AFMID: variants seen among roughly 807,000 people sequenced by gnomAD.
The protein encoded by AFMID is arylformamidase, also known as kynurenine formamidase.
A neutral mutation model predicts 47.5 loss-of-function variants in AFMID; 39 were observed. That is an observed-to-expected ratio of 0.82 (90% CI 0.64 to 1.07). The LOEUF is 1.07. Among genes scored for constraint, AFMID ranks in the 50% least tolerant of loss-of-function variants. The pLI, the probability that AFMID is intolerant of heterozygous loss-of-function variation, is 0.00. For synonymous variants in AFMID, 130 were observed against 153.2 expected (o/e 0.85, Z 1.12); for missense variants, 375 against 387.5 (o/e 0.97, Z 0.27).
At chr17:78,204,616 C>T (rs1173793927) in intron 4 of AFMID, 40 bp from the exon 5 acceptor site, 2 of 1,608,602 alleles carry the variant, frequency 1.2e-6, no homozygotes, top group Admixed American at 1.7e-5. Flanking sequence ...AGCGTAGTGG[C>T]CAAGCTGCCT....
chr17:78,194,110 G>GT (rs200914851), intron 2 of AFMID, among the ~76,000 whole-genome samples: 255 of 145,330 alleles, frequency 1.8e-3, no homozygotes, highest in Non-Finnish European at 1.5e-3. Flanking sequence ...TATGTATTGG[G>GT]TTTTTTTTTT....
intron 2 of AFMID, among the ~76,000 whole-genome samples, chr17:78,193,609 G>A (rs1051690527): frequency 6.6e-6 from 1 of 151,660 alleles, no homozygotes; most frequent in African/African-American, 2.4e-5. Context: ...TACTGTGGGA[G>A]GTCAAAGCAC....
chr17:78,199,579 T>C (rs2076196831), intron 2 of AFMID, among the ~76,000 whole-genome samples: 1 of 152,004 alleles, frequency 6.6e-6, no homozygotes. Context: ...TTCACCATAT[T>C]GGCCAGGGTG....
In AFMID at chr17:78,205,741, A is replaced by C; in HGVS notation, c.780+3A>C. 4 of 1,608,118 alleles carry C rather than the reference A, an allele frequency of 2.5e-6. No individual in the cohort carries two copies. Among genetic ancestry groups the C allele is most frequent in the Non-Finnish European group, 3.4e-6 (4 of 1,179,936 alleles). On this transcript the variant is annotated splice_donor_region_variant and intron_variant, in intron 9 of 10. Coordinates refer to ENST00000409257, the MANE Select transcript of AFMID (RefSeq NM_001010982.5). ...GACAGTCCTGGGAGTTTTACCAGGT[A>C]CTCCCAGTGCAGGTTTGTGGCCAGA...
intron 1 of AFMID, among the ~76,000 whole-genome samples, chr17:78,188,626 TC>T (rs1205855453): frequency 2.0e-5 from 3 of 151,648 alleles, no homozygotes. Flanking sequence ...AGACAGAGTC[TC>T]GCTCTATCGC....
rs1355293309 is a variant in AFMID, at chr17:78,205,369, C to T, written c.566-71C>T. On this transcript the variant is annotated intron_variant, in intron 7 of 10. Transcript: ENST00000409257. Reference sequence around the variant, plus strand: ...CCTTCCCCTGGTCCTGCCCCTCTGGCGGTGGGGGTGGGCTGGCCCTGCCTT... The same window carrying T: ...CCTTCCCCTGGTCCTGCCCCTCTGGTGGTGGGGGTGGGCTGGCCCTGCCTT... 8.4e-6 allele frequency: 13 copies of T among 1,553,784 alleles called. No homozygotes were observed. In the East Asian group the frequency reaches 1.1e-4, roughly 13 times the overall value.
chr17:78,205,900 C>A, intron 9 of AFMID, 46 bp from the exon 10 acceptor site: 2 of 1,601,152 alleles, frequency 1.2e-6, no homozygotes, highest in South Asian at 1.1e-5. Context: ...TGCCCCACCT[C>A]CCCTCCCACT....
Position 78,207,101 on chromosome 17 carries a change from C to G in AFMID, c.*164C>G. 1.3e-6 allele frequency: 1 copy of G among 749,032 alleles called. No individual in the cohort carries two copies. Among genetic ancestry groups the G allele is most frequent in the Non-Finnish European group, 2.3e-6 (1 of 437,284 alleles). 46.4% of individuals were successfully genotyped at this position (749,032 alleles called of 1,614,324 possible). On this transcript the variant is annotated 3_prime_UTR_variant, in exon 11 of 11. Coordinates refer to ENST00000409257, the MANE Select transcript of AFMID (RefSeq NM_001010982.5). ...AGTCCATTCTCACTGCTGGGACACT[C>G]ATGAAAATCTCCACGTCCTCCCTCT...
intron 2 of AFMID, among the ~76,000 whole-genome samples, chr17:78,196,891 G>C (rs747576481): frequency 6.6e-6 from 1 of 152,134 alleles, no homozygotes; most frequent in Non-Finnish European, 1.5e-5. Flanking sequence ...CTTGCCCTGG[G>C]GTTCAGGGAC....
At chr17:78,200,041 C>T (rs563454986) in intron 2 of AFMID, among the ~76,000 whole-genome samples, 2 of 148,998 alleles carry the variant, frequency 1.3e-5, no homozygotes, top group South Asian at 2.1e-4. Context: ...ACCCCCACAA[C>T]GACATAAAAA....
Position 78,191,013 on chromosome 17 carries a change from T to C in AFMID, c.107T>C (p.Leu36Pro). ...TGTCCCAGCCGATGGGTTGTCCGAC[T>C]GGGAGCAGAGGAAGCCTTGAGGACC... is the stretch of plus-strand genomic sequence containing the variant. ...QYCPSRWVVR[L>P]GAEEALRTYS... Residue 36 changes from leucine to proline, a missense_variant, in exon 2 of 11, where the codon CTG becomes CCG. By Grantham distance (98) the Leu-to-Pro change is moderately conservative. Transcript: ENST00000409257. The C allele has an allele frequency of 2.5e-6, 4 of 1,614,054 alleles. No individual in the cohort carries two copies. Among genetic ancestry groups the C allele is most frequent in the Non-Finnish European group, 2.5e-6 (3 of 1,179,996 alleles).
Position 78,206,054 on chromosome 17 carries a change from G to A in AFMID, c.885+4G>A. On this transcript the variant is annotated splice_donor_region_variant and intron_variant, in intron 10 of 10. Transcript: ENST00000409257. Reference sequence around the variant, plus strand: ...GAAGGACAACGTGCTCACCCAGGTGGGGCCTCATCCCTGGCAGCCCTTTCA... The same window carrying A: ...GAAGGACAACGTGCTCACCCAGGTGAGGCCTCATCCCTGGCAGCCCTTTCA... 1 of 1,613,542 alleles carries A rather than the reference G, an allele frequency of 6.2e-7. No individual in the cohort carries two copies. The highest frequency in any genetic ancestry group is 1.7e-4 in the Middle Eastern group (1 of 6,044).
intron 1 of AFMID, among the ~76,000 whole-genome samples, chr17:78,189,749 G>T (rs1466643375): frequency 6.6e-6 from 1 of 150,830 alleles, no homozygotes; most frequent in Non-Finnish European, 1.5e-5. Flanking sequence ...GGAACTCCTG[G>T]ACTCAAGTGA....
intron 1 of AFMID, 54 bp from the exon 2 acceptor site, chr17:78,190,916 G>T (rs1434833202): frequency 7.8e-5 from 119 of 1,532,916 alleles, no homozygotes; most frequent in Non-Finnish European, 1.0e-4. Context: ...AGGGGGAGGG[G>T]CACACTCTGT....
chr17:78,193,499 A>C (rs1307574608), intron 2 of AFMID, among the ~76,000 whole-genome samples: 1 of 151,808 alleles, frequency 6.6e-6, no homozygotes, highest in Non-Finnish European at 1.5e-5. Context: ...CGCACTATTG[A>C]AACTTCAAGT....
intron 3 of AFMID, 35 bp from the exon 4 acceptor site, chr17:78,202,668 G>T: frequency 6.4e-7 from 1 of 1,571,576 alleles, no homozygotes; most frequent in Non-Finnish European, 8.6e-7. Context: ...CAGCAGGGCG[G>T]GCCTTGCTCA....
chr17:78,191,183 A>G, intron 2 of AFMID, 123 bp downstream of exon 2: 2 of 805,312 alleles, frequency 2.5e-6, no homozygotes, highest in Non-Finnish European at 2.0e-6. Flanking sequence ...TTTCCCAAAC[A>G]CCAGGCACTT....
chr17:78,195,505 GTT>G (rs1302498783), intron 2 of AFMID, among the ~76,000 whole-genome samples: 2 of 134,812 alleles, frequency 1.5e-5, no homozygotes. Context: ...CTGCAGTCCT[GTT>G]TTTTTTTTTT....
chr17:78,196,165 G>A (rs2076108163), intron 2 of AFMID, among the ~76,000 whole-genome samples: 1 of 152,216 alleles, frequency 6.6e-6, no homozygotes, highest in South Asian at 2.1e-4. Context: ...AAGAGTTCAC[G>A]GCCAGCCTGG....
Sources: allele counts gnomAD v4.1 joint callset (sites outside exome capture counted in the v4.1 genomes callset), GRCh38; gene constraint gnomAD v4.1.1; transcripts MANE v1.5; gene names NCBI Gene and HGNC (gene_info 2026-07-23, HGNC 2026-07-21).